The following MAP4K3 variants were observed in gnomAD, a reference collection of about 807,000 sequenced individuals.
The protein encoded by MAP4K3 is mitogen-activated protein kinase kinase kinase kinase 3, also known as MAPK/ERK kinase kinase kinase 3.
MAP4K3 carries 94 observed loss-of-function variants against 143.5 expected under a neutral mutation model. The observed-to-expected ratio is 0.65, with a 90% CI of 0.55 to 0.78. The LOEUF (loss-of-function observed/expected upper bound fraction) is 0.78, where lower values mean the gene tolerates loss of function less well. Among genes scored for constraint, MAP4K3 ranks in the 30% least tolerant of loss-of-function variants. MAP4K3 has a pLI of 0.00. For synonymous variants in MAP4K3, 416 were observed against 347.2 expected (o/e 1.20, Z -2.20); for missense variants, 1,077 against 1,068.1 (o/e 1.01, Z -0.12).
intron 18 of MAP4K3, among the ~76,000 whole-genome samples, chr2:39,291,014 G>A (rs551833161): frequency 4.6e-5 from 7 of 151,462 alleles, no homozygotes; most frequent in South Asian, 2.1e-4. Context: ...GCAGAGAGCT[G>A]AGATCACACC....
intron 1 of MAP4K3, among the ~76,000 whole-genome samples, chr2:39,419,097 A>G (rs1462044490): frequency 2.0e-5 from 3 of 152,162 alleles, no homozygotes; most frequent in Non-Finnish European, 2.9e-5. Flanking sequence ...TTTTTTAAAA[A>G]TCTTATATAG....
At chr2:39,268,403 C>A (rs1680861993) in intron 26 of MAP4K3, among the ~76,000 whole-genome samples, 1 of 151,796 alleles carries the variant, frequency 6.6e-6, no homozygotes, top group Non-Finnish European at 1.5e-5. Flanking sequence ...TCACTGCAAC[C>A]TCCGCCTCCC....
At chr2:39,351,835 A>AT (rs1438885561) in intron 3 of MAP4K3, among the ~76,000 whole-genome samples, 10 of 151,942 alleles carry the variant, frequency 6.6e-5, no homozygotes, top group African/African-American at 2.2e-4. Context: ...TGCCCAGCTA[A>AT]TTTTTTGTAT....
At chr2:39,337,793 C>T (rs1665014119) in intron 4 of MAP4K3, among the ~76,000 whole-genome samples, 1 of 99,026 alleles carries the variant, frequency 1.0e-5, no homozygotes, top group Admixed American at 1.6e-4. Context: ...GACAGGGTCT[C>T]ATTATGTCAC....
chr2:39,365,411 T>G (rs911246914), intron 2 of MAP4K3, among the ~76,000 whole-genome samples: 3 of 151,768 alleles, frequency 2.0e-5, no homozygotes, highest in African/African-American at 7.2e-5. Context: ...GAATTTTATT[T>G]TTGGGTTACG....
At chr2:39,273,004 T>A (rs192412868) in intron 24 of MAP4K3, among the ~76,000 whole-genome samples, 1 of 151,080 alleles carries the variant, frequency 6.6e-6, no homozygotes, top group African/African-American at 2.4e-5. Context: ...ACACTAGGTA[T>A]GGAGGGAAAA....
chr2:39,299,642 C>T, intron 16 of MAP4K3, 101 bp downstream of exon 16: 1 of 532,296 alleles, frequency 1.9e-6, no homozygotes, highest in Non-Finnish European at 3.1e-6. Context: ...AATATATCTA[C>T]CAGCCTAATA....
At chr2:39,317,918 A>C (rs188904890) in intron 12 of MAP4K3, among the ~76,000 whole-genome samples, 1 of 152,218 alleles carries the variant, frequency 6.6e-6, no homozygotes, top group Non-Finnish European at 1.5e-5. Flanking sequence ...CCAAAGGAAT[A>C]TAAGTTGTTC....
chr2:39,311,492 G>A (rs966046392), intron 13 of MAP4K3, among the ~76,000 whole-genome samples: 4 of 152,180 alleles, frequency 2.6e-5, no homozygotes, highest in Non-Finnish European at 4.4e-5. Flanking sequence ...TATTCAAAAT[G>A]CTTCCACATT....
intron 4 of MAP4K3, 79 bp downstream of exon 4, chr2:39,343,309 G>A: frequency 5.3e-6 from 5 of 934,938 alleles, no homozygotes; most frequent in South Asian, 1.6e-5. Context: ...TTAAGATAAT[G>A]TTGATGTTTT....
chr2:39,283,366 A>C (rs1436514038), intron 21 of MAP4K3, among the ~76,000 whole-genome samples: 1 of 152,170 alleles, frequency 6.6e-6, no homozygotes, highest in African/African-American at 2.4e-5. Context: ...ATTAATTTGC[A>C]TGCCTCTGAC....
chr2:39,289,979 G>A (rs951483976), intron 19 of MAP4K3, among the ~76,000 whole-genome samples: 2 of 151,680 alleles, frequency 1.3e-5, no homozygotes, highest in Admixed American at 6.6e-5. Context: ...CCCAGCTACT[G>A]GGGAGGCTGA....
intron 12 of MAP4K3, among the ~76,000 whole-genome samples, chr2:39,319,396 T>C (rs184269070): frequency 2.0e-5 from 3 of 152,140 alleles, no homozygotes; most frequent in Admixed American, 1.3e-4. Flanking sequence ...TCCACTTCTA[T>C]GCAGATTACT....
At chr2:39,280,487 T>A (rs1287688529) in intron 22 of MAP4K3, 131 bp from the exon 23 acceptor site, 1 of 435,622 alleles carries the variant, frequency 2.3e-6, no homozygotes, top group Non-Finnish European at 4.1e-6. Context: ...ATCTTCAAAT[T>A]TACAGAAGTA....
chr2:39,348,961 T>C (rs1045928381), intron 3 of MAP4K3, among the ~76,000 whole-genome samples: 1 of 152,170 alleles, frequency 6.6e-6, no homozygotes, highest in African/African-American at 2.4e-5. Flanking sequence ...TATAGCATAA[T>C]TTAAACAGCA....
At chr2:39,398,506 G>C (rs1033673992) in intron 1 of MAP4K3, among the ~76,000 whole-genome samples, 1 of 151,646 alleles carries the variant, frequency 6.6e-6, no homozygotes. Flanking sequence ...GGACAGATGG[G>C]GATGGGTGGG....
intron 2 of MAP4K3, among the ~76,000 whole-genome samples, chr2:39,369,714 T>C (rs1236854036): frequency 6.6e-6 from 1 of 152,224 alleles, no homozygotes; most frequent in Non-Finnish European, 1.5e-5. Context: ...AACTCACAGC[T>C]TCTATGGAAC....
chr2:39,290,334 G>T lies in MAP4K3; in HGVS notation c.1272C>A (p.His424Gln). ...GTGGAATTTTTGCTTTCAGAGTTGAGCTAAAAACAGAAAAGTTTAGAATCA... is the reference window on the plus strand; with the variant it reads ...GTGGAATTTTTGCTTTCAGAGTTGATCTAAAAACAGAAAAGTTTAGAATCA... ...DDEGDDDESK[H>Q]STLKAKIPPP... The change falls in exon 19 of 34, where the codon CAC becomes CAA. Residue 424 changes from histidine to glutamine, a missense_variant and splice_region_variant. His to Gln is a conservative substitution (Grantham distance 24, BLOSUM62 0). Transcript: ENST00000263881. 6.2e-7 allele frequency: 1 copy of T among 1,600,616 alleles called. No individual in the cohort carries two copies. Among genetic ancestry groups the T allele is most frequent in the Non-Finnish European group, 8.5e-7 (1 of 1,173,168 alleles).
chr2:39,299,645 G>A, intron 16 of MAP4K3, 98 bp downstream of exon 16: 1 of 556,124 alleles, frequency 1.8e-6, no homozygotes. Flanking sequence ...ATATCTACCA[G>A]CCTAATACAA....
Sources: allele counts gnomAD v4.1 joint callset (sites outside exome capture counted in the v4.1 genomes callset), GRCh38; gene constraint gnomAD v4.1.1; transcripts MANE v1.5; gene names NCBI Gene and HGNC (gene_info 2026-07-23, HGNC 2026-07-21).